The following SCRIB variants were observed in gnomAD, a reference collection of about 807,000 sequenced individuals.
SCRIB encodes protein scribble homolog.
In SCRIB, 72 loss-of-function variants were observed where a neutral mutation model predicts 170.0. The ratio of observed to expected loss-of-function variants is 0.42; its 90% CI spans 0.35 to 0.52. The LOEUF is 0.52. SCRIB is among the 20% of genes least tolerant of loss of function. The pLI is 0.02. For missense variants in SCRIB, 2,475 were observed against 2,338.5 expected, an observed-to-expected ratio of 1.06 and a Z score of -1.20; for synonymous variants, 1,298 against 1,044.3, an observed-to-expected ratio of 1.24 and a Z score of -4.68.
At chr8:143,814,182 G>C in intron 1 of SCRIB, 64 bp from the exon 2 acceptor site, 1 of 1,349,010 alleles carries the variant, frequency 7.4e-7, no homozygotes, top group South Asian at 1.3e-5. Flanking sequence ...AGAGCTCCTG[G>C]ACACGTGAGT....
At chr8:143,810,285 C>T (rs758188139) in intron 13 of SCRIB, among the ~76,000 whole-genome samples, 194 bp downstream of exon 13, 4 of 152,178 alleles carry the variant, frequency 2.6e-5, no homozygotes, top group East Asian at 3.9e-4. Flanking sequence ...CCGCCCTGCA[C>T]GACCCACACG....
At chr8:143,803,261 C>A in intron 24 of SCRIB, 122 bp downstream of exon 24, 1 of 956,806 alleles carries the variant, frequency 1.0e-6, no homozygotes, top group Non-Finnish European at 1.5e-6. Flanking sequence ...TGCAGAGCCG[C>A]AGAGCACCGC....
chr8:143,807,080 AC>A, intron 16 of SCRIB, 67 bp from the exon 17 acceptor site: 2 of 1,139,018 alleles, frequency 1.8e-6, no homozygotes, highest in Non-Finnish European at 2.6e-6. Context: ...TCTGCAGGAG[AC>A]CCCACCAGCA....
Position 143,792,525 on chromosome 8 carries a change from C to T in SCRIB, c.4288G>A (p.Asp1430Asn), listed in dbSNP as rs782480480. The T allele has an allele frequency of 2.4e-5, 38 of 1,555,388 alleles. No individual in the cohort carries two copies. The highest frequency in any genetic ancestry group is 1.9e-4 in the East Asian group (8 of 42,646). Residue 1430 changes from aspartate (D) to asparagine (N), a missense_variant, in exon 31 of 37, where the codon GAT becomes AAT. Around this residue, in one of 3 missense-constraint regions of SCRIB, gnomAD observed 1,966 missense variants for 1,742.9 expected, o/e 1.13. Coordinates refer to ENST00000356994, the MANE Select transcript of SCRIB (RefSeq NM_182706.5). Reference sequence around the variant, plus strand: ...GGGCTGGCCCAGGGTGGCTGCTCATCCTCCTGTTCCTCCTCGCCCAGCGTC... The same window carrying T: ...GGGCTGGCCCAGGGTGGCTGCTCATTCTCCTGTTCCTCCTCGCCCAGCGTC... ...GETLGEEEQE[D>N]EQPPWASPSP...
At chr8:143,808,201 CAA>C (rs1322382457) in intron 15 of SCRIB, among the ~76,000 whole-genome samples, 1 of 152,236 alleles carries the variant, frequency 6.6e-6, no homozygotes, top group Non-Finnish European at 1.5e-5. Context: ...TGGAGACCCA[CAA>C]AGAGTGGGCA....
chr8:143,791,822 A>ACC lies in SCRIB; in HGVS notation c.4695+52_4695+53dup, dbSNP rs143315468. 6.5e-4 allele frequency: 809 copies of ACC among 1,244,354 alleles called. 1 individual carries two copies. In the East Asian group the frequency reaches 8.3e-3, roughly 13 times the overall value. 77.1% of individuals were successfully genotyped at this position (1,244,354 alleles called of 1,614,324 possible). A position where few individuals can be genotyped will look rare whatever the true frequency, so the allele number is the denominator to read the frequency against. On this transcript the variant is annotated intron_variant, in intron 34 of 36. Coordinates refer to ENST00000356994, the MANE Select transcript of SCRIB (RefSeq NM_182706.5). Reference sequence around the variant, plus strand: ...GGCCACGGGGGTGGGGGCAGGCCAGACCCCACCCCCATGCCTCGGGGGTGA... The same window carrying ACC: ...GGCCACGGGGGTGGGGGCAGGCCAGACCCCCCACCCCCATGCCTCGGGGGTGA...
Position 143,808,992 on chromosome 8 carries a change from G to A in SCRIB, c.1732C>T (p.Pro578Ser). The change falls in exon 15 of 37, where the codon CCC (proline) becomes TCC (serine). Residue 578 changes from proline (P) to serine (S), a missense_variant. Around this residue, in one of 3 missense-constraint regions of SCRIB, gnomAD observed 1,966 missense variants for 1,742.9 expected, o/e 1.13. Coordinates refer to ENST00000356994, the MANE Select transcript of SCRIB (RefSeq NM_182706.5). The part of the protein sequence containing the change: ...TVHFAEDALL[P>S]GDDREIEEGQ... The stretch of plus-strand genomic sequence containing the variant: ...TCCTCGATCTCCCTGTCATCCCCGG[G>A]CAGCAGTGCGTCCTCTGCGAAATGC... 6.2e-7 allele frequency: 1 copy of A among 1,613,132 alleles called. No individual in the cohort carries two copies. Among genetic ancestry groups the A allele is most frequent in the East Asian group, 2.2e-5 (1 of 44,876 alleles).
chr8:143,806,413 G>A lies in SCRIB; in HGVS notation c.2340C>T (p.Leu780=), dbSNP rs1554636574. ...GGAGAGGTTGCCGACTCACCTCCAGGAGCTTGTCACCCACACGGACTCCAG... is the reference window on the plus strand; with the variant it reads ...GGAGAGGTTGCCGACTCACCTCCAGAAGCTTGTCACCCACACGGACTCCAG... ...ARAGVRVGDK[L]LEVNGVALQG... is the part of the protein sequence containing the mutation. The change falls in exon 18 of 37, where the codon CTC becomes CTT. Residue 780 remains leucine, a synonymous_variant. Coordinates refer to ENST00000356994, the MANE Select transcript of SCRIB (RefSeq NM_182706.5). The A allele has an allele frequency of 1.9e-6, 3 of 1,604,118 alleles. No homozygotes were observed. The highest frequency in any genetic ancestry group is 1.7e-5 in the Admixed American group (1 of 59,206).
intron 18 of SCRIB, among the ~76,000 whole-genome samples, chr8:143,806,035 C>A (rs1273987071): frequency 1.3e-5 from 2 of 152,164 alleles, no homozygotes; most frequent in Non-Finnish European, 2.9e-5. Flanking sequence ...GGGTCCAAAC[C>A]CCACCAGACC....
intron 31 of SCRIB, 30 bp downstream of exon 31, chr8:143,792,455 G>C: frequency 6.6e-7 from 1 of 1,517,854 alleles, no homozygotes; most frequent in Non-Finnish European, 8.8e-7. Flanking sequence ...CGTGGGGTGA[G>C]TAGGGGGCGT....
intron 8 of SCRIB, 64 bp downstream of exon 8, chr8:143,812,753 G>A (rs907767399): frequency 7.7e-6 from 12 of 1,560,832 alleles, no homozygotes; most frequent in Admixed American, 1.7e-5. Flanking sequence ...CAGCCCCGAC[G>A]CCCCACGCTC....
chr8:143,791,056 G>A lies in SCRIB; in HGVS notation c.*107C>T. ...TAGTTAGTCACAGGCCAGAACTCCTGTGGGGTCTCTTTAAAATGCTAACAC... is the reference window on the plus strand; with the variant it reads ...TAGTTAGTCACAGGCCAGAACTCCTATGGGGTCTCTTTAAAATGCTAACAC... On this transcript the variant is annotated 3_prime_UTR_variant, in exon 37 of 37. Coordinates refer to ENST00000356994, the MANE Select transcript of SCRIB (RefSeq NM_182706.5). 8.1e-7 allele frequency: 1 copy of A among 1,230,094 alleles called. No individual in the cohort carries two copies. Among genetic ancestry groups the A allele is most frequent in the Non-Finnish European group, 1.0e-6 (1 of 959,710 alleles). 76.2% of individuals were successfully genotyped at this position (1,230,094 alleles called of 1,614,324 possible). A position where few individuals can be genotyped will look rare whatever the true frequency, so the allele number is the denominator to read the frequency against.
At chr8:143,799,586 C>T (rs1049830254) in intron 24 of SCRIB, among the ~76,000 whole-genome samples, 2 of 152,182 alleles carry the variant, frequency 1.3e-5, no homozygotes, top group African/African-American at 2.4e-5. Context: ...CAGGGGTCGG[C>T]GCCGACCATG....
In SCRIB at chr8:143,815,550, C is replaced by G. The variant is rs1816054198; in HGVS notation, c.-178G>C. 2.0e-6 allele frequency: 2 copies of G among 979,864 alleles called. No homozygotes were observed. Among genetic ancestry groups the G allele is most frequent in the Middle Eastern group, 5.3e-4 (1 of 1,896 alleles). 60.7% of individuals were successfully genotyped at this position (979,864 alleles called of 1,614,324 possible). A position where few individuals can be genotyped will look rare whatever the true frequency, so the allele number is the denominator to read the frequency against. On this transcript the variant is annotated 5_prime_UTR_variant, in exon 1 of 37. Transcript: ENST00000356994. ...CGCTGGGCCCGGCCCGCGCTCGGAA[C>G]GCTCGGACTGCGGGCCTGGGCAGGG... is the stretch of plus-strand genomic sequence containing the variant.
At chr8:143,814,523 A>C (rs902924090) in intron 1 of SCRIB, among the ~76,000 whole-genome samples, 1 of 151,942 alleles carries the variant, frequency 6.6e-6, no homozygotes, top group African/African-American at 2.4e-5. Context: ...AACTCAGTAA[A>C]CGCTCCCCAC....
In SCRIB at chr8:143,804,993, C is replaced by G; in HGVS notation, c.2692G>C (p.Ala898Pro). The change falls in exon 20 of 37, where the codon GCC becomes CCC. Residue 898 changes from alanine to proline, a missense_variant. Physicochemically the swap from Ala to Pro is conservative, Grantham distance 27. Around this residue, in one of 3 missense-constraint regions of SCRIB, gnomAD observed 1,966 missense variants for 1,742.9 expected, o/e 1.13. Transcript: ENST00000356994. ...GCGCGGTGAGCAGCACCGCCCTCGG[C>G]AATGCGGGAGACGAAGATGCCCTGC... is the stretch of plus-strand genomic sequence containing the variant. ...GDAGIFVSRI[A>P]EGGAAHRAGT... 11 of 1,586,224 alleles carry G rather than the reference C, an allele frequency of 6.9e-6. No individual in the cohort carries two copies. The highest frequency in any genetic ancestry group is 9.4e-6 in the Non-Finnish European group (11 of 1,170,098).
chr8:143,804,353 G>A (rs902986751), intron 21 of SCRIB, among the ~76,000 whole-genome samples, 197 bp from the exon 22 acceptor site: 1 of 152,240 alleles, frequency 6.6e-6, no homozygotes, highest in Non-Finnish European at 1.5e-5. Context: ...GCTGACTGTG[G>A]CCATGTGGCC....
At chr8:143,795,576 G>A in intron 24 of SCRIB, 46 bp from the exon 25 acceptor site, 1 of 1,503,002 alleles carries the variant, frequency 6.7e-7, no homozygotes, top group Non-Finnish European at 9.1e-7. Context: ...GCAACCCGGG[G>A]TCCCACCTCT....
At chr8:143,812,115 G>T in intron 9 of SCRIB, 151 bp downstream of exon 9, 1 of 714,048 alleles carries the variant, frequency 1.4e-6, no homozygotes, top group Non-Finnish European at 2.6e-6. Flanking sequence ...CGGCCAGCAT[G>T]CTCCCCCTCT....
Sources: allele counts gnomAD v4.1 joint callset (sites outside exome capture counted in the v4.1 genomes callset), GRCh38; gene constraint gnomAD v4.1.1; regional missense constraint gnomAD v4.1.1; transcripts MANE v1.5; gene names NCBI Gene and HGNC (gene_info 2026-07-23, HGNC 2026-07-21).